The following ZXDC variants were observed in gnomAD, a reference collection of about 807,000 sequenced individuals.
ZXDC encodes the protein ZXD family zinc finger C, also known as zinc finger protein ZXDC.
In ZXDC, 58 loss-of-function variants were observed where a neutral mutation model predicts 63.6. The observed-to-expected ratio is 0.91, with a 90% confidence interval of 0.74 to 1.13. The LOEUF (loss-of-function observed/expected upper bound fraction) is 1.13. Ranked by LOEUF, ZXDC falls within the 50% of genes most tolerant of loss-of-function variation. The pLI, the probability that ZXDC is intolerant of heterozygous loss-of-function variation, is 0.00. For missense variants in ZXDC, 1,133 were observed against 1,148.9 expected, an observed-to-expected ratio of 0.99 and a Z score of 0.20; for synonymous variants, 561 against 496.1, an observed-to-expected ratio of 1.13 and a Z score of -1.74.
chr3:126,439,112 GA>G (rs1262412700), intron 9 of ZXDC, among the ~76,000 whole-genome samples: 1 of 152,204 alleles, frequency 6.6e-6, no homozygotes, highest in Non-Finnish European at 1.5e-5. Flanking sequence ...TTTTGATTGC[GA>G]GGGAAATGCT....
At chr3:126,474,780 G>C (rs750676524) in intron 1 of ZXDC, among the ~76,000 whole-genome samples, 179 bp downstream of exon 1, 6 of 152,250 alleles carry the variant, frequency 3.9e-5, no homozygotes, top group Admixed American at 2.6e-4. Context: ...CGGAATCCCT[G>C]CGGCAGGGCA....
intron 7 of ZXDC, among the ~76,000 whole-genome samples, chr3:126,446,975 A>C (rs2107632572): frequency 6.6e-6 from 1 of 152,284 alleles, no homozygotes; most frequent in East Asian, 1.9e-4. Flanking sequence ...GAGTAAACCC[A>C]CATGACCAGC....
At chr3:126,452,497 T>G (rs2107637888) in intron 7 of ZXDC, 1 of 985,398 alleles carries the variant, frequency 1.0e-6, no homozygotes, top group South Asian at 4.7e-5. Context: ...CTGCTCTCCC[T>G]GAAACCTCCC....
At chr3:126,439,786 C>T (rs776136658) in intron 8 of ZXDC, 59 bp from the exon 9 acceptor site, 134 of 1,510,068 alleles carry the variant, frequency 8.9e-5, no homozygotes, top group Middle Eastern at 3.4e-4. Context: ...CAAAGGTCCT[C>T]GTCTCACCTG....
chr3:126,457,533 G>C, intron 7 of ZXDC: 1 of 985,346 alleles, frequency 1.0e-6, no homozygotes, highest in South Asian at 4.7e-5. Flanking sequence ...GACCTAGCAG[G>C]TACCAGGTTT....
At chr3:126,456,325 G>A (rs1215164595) in intron 7 of ZXDC, among the ~76,000 whole-genome samples, 2 of 152,320 alleles carry the variant, frequency 1.3e-5, no homozygotes, top group East Asian at 3.9e-4. Flanking sequence ...GGGTGCCCTG[G>A]GCCACTTCCA....
intron 7 of ZXDC, among the ~76,000 whole-genome samples, chr3:126,448,424 G>C (rs1933964932): frequency 6.6e-6 from 1 of 152,164 alleles, no homozygotes; most frequent in South Asian, 2.1e-4. Flanking sequence ...CAAGGGGTGA[G>C]AAAGTACAGG....
chr3:126,475,777 G>A lies in ZXDC; in HGVS notation c.89C>T (p.Pro30Leu). 8.9e-7 allele frequency: 1 copy of A among 1,128,976 alleles called. No individual in the cohort carries two copies. The highest frequency in any genetic ancestry group is 1.1e-6 in the Non-Finnish European group (1 of 923,244). The allele number at this position is 1,128,976 out of a possible 1,614,324, so 69.9% of individuals were successfully genotyped here. ...GCGGCGCGCGGGGCTCGCGCCGAGC[G>A]GCGCTGGGGCTCGGCGGAGCGGGCC... ...GPGPLRRAPAPLGASPARRRL... is the reference protein window; with the variant it reads ...GPGPLRRAPALLGASPARRRL... The change falls in exon 1 of 10, where the codon CCG (proline) becomes CTG (leucine). Residue 30 changes from proline to leucine, a missense_variant. By Grantham distance (98) the Pro-to-Leu change is moderately conservative. Transcript: ENST00000389709.
chr3:126,459,626 G>T, intron 7 of ZXDC, 27 bp downstream of exon 7: 5 of 1,613,894 alleles, frequency 3.1e-6, no homozygotes, highest in Non-Finnish European at 4.2e-6. Context: ...GCCCTTGCTC[G>T]TCCGGCTGCA....
chr3:126,444,802 A>T (rs1933819749), intron 7 of ZXDC, among the ~76,000 whole-genome samples: 1 of 152,232 alleles, frequency 6.6e-6, no homozygotes, highest in Non-Finnish European at 1.5e-5. Context: ...GTGTGCTAGA[A>T]TGTATGTGCC....
rs139407352 is a variant in ZXDC at position 126,438,807 on chromosome 3, G to A, written c.2491-346C>T. Among the ~76,000 whole-genome samples the A allele has an allele frequency of 3.7e-4, 57 of 152,286 alleles. 1 individual carries two copies. In the East Asian group the frequency reaches 6.6e-3, roughly 18 times the overall value. ...TCTCCCAGGTATTAGGTGTCCGTCC[G>A]CCTGTGCCCTCACAGCTGACCAGGA... On this transcript the variant is annotated intron_variant, in intron 9 of 9. Transcript: ENST00000389709.
intron 7 of ZXDC, chr3:126,452,386 A>G: frequency 3.0e-6 from 3 of 985,414 alleles, no homozygotes; most frequent in Non-Finnish European, 3.6e-6. Flanking sequence ...CTGTCAGCCA[A>G]GCCTGTGGGC....
intron 7 of ZXDC, among the ~76,000 whole-genome samples, chr3:126,447,346 T>C (rs1933921263): frequency 6.6e-6 from 1 of 152,250 alleles, no homozygotes; most frequent in African/African-American, 2.4e-5. Context: ...ATGAATAAGG[T>C]CAGTTTTTCA....
At chr3:126,453,961 G>A (rs762510334) in intron 7 of ZXDC, 17 of 973,842 alleles carry the variant, frequency 1.7e-5, no homozygotes, top group Middle Eastern at 5.2e-4. Flanking sequence ...ACATAGTACT[G>A]CCTATACATG....
intron 7 of ZXDC, chr3:126,454,062 ATAT>A: frequency 5.7e-6 from 4 of 700,998 alleles, no homozygotes; most frequent in African/African-American, 2.1e-5. Context: ...ATATATATAT[ATAT>A]TTTTTTTTTT....
At chr3:126,471,070 C>T (rs768614271) in intron 3 of ZXDC, 45 bp from the exon 4 acceptor site, 1 of 1,593,022 alleles carries the variant, frequency 6.3e-7, no homozygotes, top group Admixed American at 1.7e-5. Flanking sequence ...TCACACAACT[C>T]ACCATAATTC....
intron 1 of ZXDC, among the ~76,000 whole-genome samples, chr3:126,474,325 A>G (rs1003636552): frequency 6.6e-6 from 1 of 152,034 alleles, no homozygotes; most frequent in African/African-American, 2.4e-5. Flanking sequence ...CGGCCTCCCA[A>G]AGTGCTGGGA....
intron 7 of ZXDC, among the ~76,000 whole-genome samples, chr3:126,449,078 G>A (rs1933994263): frequency 6.6e-6 from 1 of 152,154 alleles, no homozygotes; most frequent in Non-Finnish European, 1.5e-5. Flanking sequence ...AGTAAATGTA[G>A]CAGGACCCCA....
chr3:126,470,712 T>A (rs1274980926), intron 4 of ZXDC, among the ~76,000 whole-genome samples, 183 bp downstream of exon 4: 1 of 152,204 alleles, frequency 6.6e-6, no homozygotes, highest in African/African-American at 2.4e-5. Flanking sequence ...CTGCGTCTGA[T>A]TCTCAAGTCA....
Sources: gnomAD v4.1 joint callset for allele counts (sites outside exome capture counted in the v4.1 genomes callset) on GRCh38, gnomAD v4.1.1 for gene constraint, MANE v1.5 for transcripts, NCBI Gene and HGNC (gene_info 2026-07-23, HGNC 2026-07-21) for gene names.